CELF2: variants seen among roughly 807,000 people sequenced by gnomAD.
CELF2 encodes the protein CUG triplet repeat RNA-binding protein 2.
CELF2 carries 8 observed loss-of-function variants against 62.6 expected under a neutral mutation model. That is an observed-to-expected ratio of 0.13 (90% CI 0.07 to 0.23). The LOEUF (loss-of-function observed/expected upper bound fraction) is 0.23. Among genes scored for constraint, CELF2 ranks in the 10% least tolerant of loss-of-function variants. The probability of loss-of-function intolerance (pLI) is 1.00; values close to 1 mark genes in which losing one functional copy is unlikely to be tolerated. For missense variants in CELF2, 333 were observed against 671.0 expected, an observed-to-expected ratio of 0.50 and a Z score of 5.56; for synonymous variants, 258 against 250.0, an observed-to-expected ratio of 1.03 and a Z score of -0.30.
Position 11,336,519 on chromosome 10 carries a change from CTG to C in CELF2, c.*7468_*7469del, listed in dbSNP as rs1334403226. ...CTTAAATAAAGCTTAAGAAAGGACTCTGTTGTGTGTAAAGTTAATGTGATTAT... is the reference window on the plus strand; with the variant it reads ...CTTAAATAAAGCTTAAGAAAGGACTCTTGTGTGTAAAGTTAATGTGATTAT... On this transcript the variant is annotated 3_prime_UTR_variant, in exon 13 of 13. Transcript: ENST00000633077. The surrounding 1 kb of genome is among the most constrained non-coding windows in gnomAD (Gnocchi z 5.4). 2 of 152,582 alleles carry C rather than the reference CTG, an allele frequency of 1.3e-5. No individual in the cohort carries two copies. The highest frequency in any genetic ancestry group is 1.3e-4 in the Admixed American group (2 of 15,280). The allele number at this position is 152,582 out of a possible 1,614,324, so 9.5% of individuals were successfully genotyped here.
intron 9 of CELF2, among the ~76,000 whole-genome samples, chr10:11,291,878 GTTACTGTTACCACACATGAATA>G (rs887190908): frequency 6.6e-6 from 1 of 152,186 alleles, no homozygotes; most frequent in Non-Finnish European, 1.5e-5. Context: ...TGAAGAGACT[GTTACTGTTACCACACATGAATA>G]TTTTTTGGTA....
chr10:11,107,806 T>TCCTCCCTCTTCTTCCC (rs2053909934), intron 1 of CELF2, among the ~76,000 whole-genome samples: 1 of 126,160 alleles, frequency 7.9e-6, no homozygotes, highest in Admixed American at 7.7e-5. Context: ...CTCTTCTCCC[T>TCCTCCCTCTTCTTCCC]CCTCCCTCTT....
At chr10:10,495,242 G>A in the CELF2 span, among the ~76,000 whole-genome samples, 1 of 152,150 alleles carries the variant, frequency 6.6e-6, no homozygotes, top group Non-Finnish European at 1.5e-5. Flanking sequence ...TGGTGCCACT[G>A]CACTTCAGCC....
chr10:11,249,050 A>G, intron 3 of CELF2, 103 bp from the exon 4 acceptor site: 3 of 871,868 alleles, frequency 3.4e-6, no homozygotes, highest in South Asian at 2.8e-5. Flanking sequence ...GTTGTCACTT[A>G]TGTGCCCTTA....
chr10:10,666,748 G>A, the CELF2 span, among the ~76,000 whole-genome samples: 3 of 121,834 alleles, frequency 2.5e-5, 1 homozygote, highest in Non-Finnish European at 5.0e-5. Flanking sequence ...TGTAGTCCCA[G>A]CTACTCGGGA....
chr10:11,064,023 C>T (rs758559369), intron 1 of CELF2, among the ~76,000 whole-genome samples: 28 of 152,160 alleles, frequency 1.8e-4, no homozygotes, highest in Non-Finnish European at 3.5e-4. Flanking sequence ...TCCTGAGTGC[C>T]TTCAGCAGAT....
chr10:10,491,962 C>G, the CELF2 span, among the ~76,000 whole-genome samples: 2 of 151,946 alleles, frequency 1.3e-5, no homozygotes, highest in Non-Finnish European at 2.9e-5. Flanking sequence ...ATGCCCCATC[C>G]CTCTCTTTCC....
intron 1 of CELF2, among the ~76,000 whole-genome samples, chr10:10,887,242 T>G (rs941398322): frequency 6.6e-6 from 1 of 152,134 alleles, no homozygotes; most frequent in Non-Finnish European, 1.5e-5. Context: ...TGACAGTCAG[T>G]GTCACTATGC....
At chr10:10,645,938 A>T in the CELF2 span, among the ~76,000 whole-genome samples, 2 of 152,250 alleles carry the variant, frequency 1.3e-5, no homozygotes, top group Non-Finnish European at 2.9e-5. Flanking sequence ...TGAGACTGAC[A>T]TCAGGATGCT....
chr10:10,741,013 A>C, the CELF2 span, among the ~76,000 whole-genome samples: 1 of 152,224 alleles, frequency 6.6e-6, no homozygotes, highest in Non-Finnish European at 1.5e-5. Context: ...AATACACAGC[A>C]GGAGGGCTAT....
chr10:10,761,772 G>T, the CELF2 span, among the ~76,000 whole-genome samples: 1 of 152,166 alleles, frequency 6.6e-6, no homozygotes, highest in African/African-American at 2.4e-5. Flanking sequence ...CATACCATCA[G>T]CTCTACTGGT....
At chr10:10,970,006 T>G (rs2050592209) in intron 2 of CELF2, among the ~76,000 whole-genome samples, 1 of 152,212 alleles carries the variant, frequency 6.6e-6, no homozygotes, top group African/African-American at 2.4e-5. Context: ...CGGCTTCTAA[T>G]GGAAATAACT....
At chr10:10,876,447 T>C (rs997728289) in intron 1 of CELF2, among the ~76,000 whole-genome samples, 1 of 152,176 alleles carries the variant, frequency 6.6e-6, no homozygotes, top group African/African-American at 2.4e-5. Context: ...CTGCCACTGA[T>C]CAGAATTATG....
chr10:10,507,099 C>G, the CELF2 span, among the ~76,000 whole-genome samples: 4 of 152,132 alleles, frequency 2.6e-5, no homozygotes, highest in Non-Finnish European at 5.9e-5. Context: ...TTCACTTCGT[C>G]ATTTCAGCGA....
Position 11,268,545 on chromosome 10 carries a change from A to G in CELF2, c.618+1868A>G, listed in dbSNP as rs997855646. The stretch of plus-strand genomic sequence containing the variant: ...GAGAAACAGTAGGTTCCCATCATGT[A>G]AAGAGTTGGTTTGACCACTGGGGCA... On this transcript the variant is annotated intron_variant, in intron 6 of 12. Transcript: ENST00000633077. This position sits in a 1 kb window ranked among gnomAD's most constrained non-coding sequence, Gnocchi z 4.7. 3.3e-5 allele frequency among the ~76,000 whole-genome samples: 5 copies of G among 152,332 alleles called. No homozygotes were observed. The highest frequency in any genetic ancestry group is 9.6e-5 in the African/African-American group (4 of 41,576).
chr10:10,568,082 G>A, the CELF2 span, among the ~76,000 whole-genome samples: 1 of 151,986 alleles, frequency 6.6e-6, no homozygotes, highest in African/African-American at 2.4e-5. Flanking sequence ...TAAAGCAAAG[G>A]GTGATAAGAT....
chr10:10,463,220 A>C, the CELF2 span, among the ~76,000 whole-genome samples: 4 of 152,174 alleles, frequency 2.6e-5, no homozygotes, highest in Non-Finnish European at 4.4e-5. Context: ...TTTGTTCCTC[A>C]AAAGGACAAA....
upstream of CELF2, chr10:10,794,677 T>A (rs1414311273): frequency 3.9e-5 from 6 of 152,158 alleles, no homozygotes; most frequent in Admixed American, 3.9e-4. Context: ...GGAGCCTTAT[T>A]AAATGGTTGG....
intron 1 of CELF2, among the ~76,000 whole-genome samples, chr10:11,054,500 T>TGA: frequency 7.4e-6 from 1 of 135,918 alleles, no homozygotes; most frequent in Non-Finnish European, 1.6e-5. Context: ...TGTGTGTGTG[T>TGA]GTGTGTGTGT....
Sources: allele counts gnomAD v4.1 joint callset (sites outside exome capture counted in the v4.1 genomes callset), GRCh38; gene constraint gnomAD v4.1.1; non-coding constraint Gnocchi (gnomAD v3.1); transcripts MANE v1.5; gene names NCBI Gene and HGNC (gene_info 2026-07-23, HGNC 2026-07-21).